The following TFB2M variants were observed in gnomAD, a reference collection of about 807,000 sequenced individuals.
The protein encoded by TFB2M is transcription factor B2, mitochondrial.
Under a neutral mutation model 41.3 loss-of-function variants are expected in TFB2M, and 44 were observed. The observed-to-expected ratio is 1.07, with a 90% CI of 0.84 to 1.37. The LOEUF is 1.37. Ranked by LOEUF, TFB2M falls within the 40% of genes most tolerant of loss-of-function variation. The pLI is 0.00. For synonymous variants in TFB2M, 188 were observed against 176.8 expected (o/e 1.06, Z -0.50); for missense variants, 496 against 490.2 (o/e 1.01, Z -0.11).
chr1:246,544,806 T>G (rs1658953703), intron 6 of TFB2M, 125 bp from the exon 7 acceptor site: 2 of 770,856 alleles, frequency 2.6e-6, no homozygotes, highest in Non-Finnish European at 4.0e-6. Flanking sequence ...TGTCTTCACA[T>G]TCTCTTTTTC....
rs190282265 is a variant in TFB2M, at chr1:246,564,811, C to T, written c.314-377G>A. 5.8e-3 allele frequency among the ~76,000 whole-genome samples: 890 copies of T among 152,140 alleles called. 7 individuals carry two copies. The highest frequency in any genetic ancestry group is 0.021 in the African/African-American group (857 of 41,484). ...TCTCCTGCCTCAGCCTCCCGAGTAG[C>T]TGGGATTACAGGCGCCCGCCACCAC... On this transcript the variant is annotated intron_variant, in intron 1 of 7. Coordinates refer to ENST00000366514, the MANE Select transcript of TFB2M (RefSeq NM_022366.3).
At chr1:246,564,572 CT>C (rs1659547206) in intron 1 of TFB2M, 138 bp from the exon 2 acceptor site, 6 of 669,332 alleles carry the variant, frequency 9.0e-6, no homozygotes, top group South Asian at 1.9e-5. Flanking sequence ...TGTCACTCTC[CT>C]TTTTACATAT....
chr1:246,542,172 C>A (rs563054864), intron 7 of TFB2M, among the ~76,000 whole-genome samples: 39 of 151,856 alleles, frequency 2.6e-4, no homozygotes, highest in African/African-American at 8.9e-4. Flanking sequence ...CTTATGGGAC[C>A]ACTATTGTAC....
intron 6 of TFB2M, among the ~76,000 whole-genome samples, chr1:246,547,460 T>C (rs1659055117): frequency 6.6e-6 from 1 of 152,200 alleles, no homozygotes; most frequent in South Asian, 2.1e-4. Context: ...TTTTTGGGAC[T>C]ACATAAATAT....
rs1161205696 is a variant in TFB2M at position 246,557,524 on chromosome 1, T to C, written c.413A>G (p.Lys138Arg). ...CACTCGTAGTTTTCCATCCAGATTT[T>C]TTCCTAAGGACTAAAGAGAGACAAA... ...TFIPHLESLG[K>R]NLDGKLRVIH... is the part of the protein sequence containing the mutation. Residue 138 changes from lysine (K) to arginine (R), a missense_variant, in exon 3 of 8, where the codon AAA becomes AGA. By Grantham distance (26) the Lys-to-Arg change is conservative. Coordinates refer to ENST00000366514, the MANE Select transcript of TFB2M (RefSeq NM_022366.3). 6.2e-7 allele frequency: 1 copy of C among 1,606,388 alleles called. No individual in the cohort carries two copies. Among genetic ancestry groups the C allele is most frequent in the East Asian group, 2.2e-5 (1 of 44,648 alleles).
At chr1:246,551,836 A>G (rs1208744199) in intron 4 of TFB2M, among the ~76,000 whole-genome samples, 2 of 152,230 alleles carry the variant, frequency 1.3e-5, no homozygotes, top group East Asian at 3.8e-4. Context: ...TAACCCTAGC[A>G]GCAGGAATCT....
chr1:246,561,830 CAA>C (rs988138592), intron 2 of TFB2M, among the ~76,000 whole-genome samples: 2 of 152,016 alleles, frequency 1.3e-5, no homozygotes, highest in Non-Finnish European at 2.9e-5. Flanking sequence ...TAAATAGAAA[CAA>C]AGACATTTTA....
chr1:246,542,789 T>C (rs1169730094), intron 7 of TFB2M, among the ~76,000 whole-genome samples: 1 of 152,212 alleles, frequency 6.6e-6, no homozygotes, highest in African/African-American at 2.4e-5. Context: ...ATTTATTCCT[T>C]ATTTCCCTAT....
In TFB2M at chr1:246,548,404, G is replaced by C. The variant is rs1393495974; in HGVS notation, c.858+141C>G. 3.4e-5 allele frequency: 21 copies of C among 625,732 alleles called. No homozygotes were observed. The South Asian group carries it at 4.3e-4, about 13-fold the overall frequency. 38.8% of individuals were successfully genotyped at this position (625,732 alleles called of 1,614,324 possible). ...CCAAAATACTTTTGATTCATTAAAA[G>C]TAGTAAGATATGTTTAAAGAATGTT... On this transcript the variant is annotated intron_variant, in intron 6 of 7. Coordinates refer to ENST00000366514, the MANE Select transcript of TFB2M (RefSeq NM_022366.3).
chr1:246,551,674 A>G, intron 4 of TFB2M, among the ~76,000 whole-genome samples: 1 of 150,610 alleles, frequency 6.6e-6, no homozygotes, highest in South Asian at 2.1e-4. Flanking sequence ...TGGGCAACAT[A>G]GTGAGACCGC....
At chr1:246,555,337 CAA>C (rs1659292993) in intron 4 of TFB2M, among the ~76,000 whole-genome samples, 1 of 152,150 alleles carries the variant, frequency 6.6e-6, no homozygotes, top group South Asian at 2.1e-4. Context: ...CCTGTAGTCC[CAA>C]CACTTTAGGA....
At position 246,565,826 on chromosome 1, in the gene TFB2M, C is replaced by T. The variant is rs1262256000; in HGVS notation, c.313G>A (p.Gly105Ser). 1 of 1,597,194 alleles carries T rather than the reference C, an allele frequency of 6.3e-7. No homozygotes were observed. The highest frequency in any genetic ancestry group is 1.7e-5 in the Admixed American group (1 of 59,774). Residue 105 changes from glycine to serine, a missense_variant and splice_region_variant, in exon 1 of 8, where the codon GGT becomes AGT. By Grantham distance (56) the Gly-to-Ser change is moderately conservative (BLOSUM62 0). Coordinates refer to ENST00000366514, the MANE Select transcript of TFB2M (RefSeq NM_022366.3). ...GAAAATGCAATTCAGCTGGACTCAC[C>T]TGGATTGCACTCCAGCAGTAGGTGT... ...PPHLLLECNPGPGILTQALLE... is the reference protein window; with the variant it reads ...PPHLLLECNPSPGILTQALLE...
chr1:246,548,696 C>A, intron 5 of TFB2M, 89 bp from the exon 6 acceptor site: 3 of 1,183,486 alleles, frequency 2.5e-6, no homozygotes, highest in Non-Finnish European at 3.7e-6. Context: ...AACACCTTGC[C>A]TAAATAAGAG....
At chr1:246,541,787 T>C (rs1658862992) in intron 7 of TFB2M, among the ~76,000 whole-genome samples, 1 of 152,250 alleles carries the variant, frequency 6.6e-6, no homozygotes, top group South Asian at 2.1e-4. Flanking sequence ...CAAAGTTCAG[T>C]AACTATAAAC....
chr1:246,545,015 C>T (rs1015266722), intron 6 of TFB2M, among the ~76,000 whole-genome samples: 14 of 151,912 alleles, frequency 9.2e-5, no homozygotes, highest in Non-Finnish European at 1.3e-4. Flanking sequence ...CCGTGTTAGC[C>T]AGGATGGTCT....
At chr1:246,563,874 T>C (rs1056630318) in intron 2 of TFB2M, among the ~76,000 whole-genome samples, 3 of 152,264 alleles carry the variant, frequency 2.0e-5, no homozygotes, top group African/African-American at 7.2e-5. Context: ...TGAAAAAATT[T>C]GAAATCCAAA....
intron 5 of TFB2M, among the ~76,000 whole-genome samples, chr1:246,548,914 G>GTCAGAA (rs2102985528): frequency 6.6e-6 from 1 of 152,272 alleles, no homozygotes; most frequent in African/African-American, 2.4e-5. Flanking sequence ...CCATATCACA[G>GTCAGAA]TCAGAATCAG....
intron 2 of TFB2M, among the ~76,000 whole-genome samples, chr1:246,562,532 G>A (rs936335078): frequency 1.3e-5 from 2 of 152,122 alleles, no homozygotes; most frequent in African/African-American, 2.4e-5. Flanking sequence ...TTTGACACCC[G>A]ACCTTCTGTG....
At chr1:246,541,267 C>A in intron 7 of TFB2M, 65 bp from the exon 8 acceptor site, 1 of 1,481,360 alleles carries the variant, frequency 6.8e-7, no homozygotes. Context: ...TTCACGGTGA[C>A]AGAAATGGCT....
Sources: allele counts gnomAD v4.1 joint callset (sites outside exome capture counted in the v4.1 genomes callset), GRCh38; gene constraint gnomAD v4.1.1; transcripts MANE v1.5; gene names NCBI Gene and HGNC (gene_info 2026-07-23, HGNC 2026-07-21).